The following IQCK variants were observed in gnomAD, a reference collection of about 807,000 sequenced individuals.
IQCK encodes IQ domain-containing protein K.
Under a neutral mutation model 28.1 loss-of-function variants are expected in IQCK, and 29 were observed. That is an observed-to-expected ratio of 1.03 (90% CI 0.77 to 1.41). The LOEUF (loss-of-function observed/expected upper bound fraction) is 1.41, where lower values mean the gene tolerates loss of function less well. IQCK is among the 40% of genes most tolerant of loss of function. The pLI, the probability that IQCK is intolerant of heterozygous loss-of-function variation, is 0.00. For missense variants in IQCK, 359 were observed against 314.7 expected (o/e 1.14, Z -1.07); for synonymous variants, 113 against 115.1 (o/e 0.98, Z 0.12).
chr16:19,758,794 G>A (rs2055090184), intron 4 of IQCK, among the ~76,000 whole-genome samples: 1 of 152,124 alleles, frequency 6.6e-6, no homozygotes, highest in African/African-American at 2.4e-5. Flanking sequence ...TGAGGTAAAA[G>A]ATTGCAGATA....
chr16:19,807,341 T>G (rs573935684), intron 7 of IQCK, among the ~76,000 whole-genome samples: 1 of 152,230 alleles, frequency 6.6e-6, no homozygotes, highest in African/African-American at 2.4e-5. Context: ...ATTGTGTTGT[T>G]TCTTAAACCT....
intron 4 of IQCK, among the ~76,000 whole-genome samples, chr16:19,744,995 C>G (rs1175918516): frequency 6.6e-6 from 1 of 152,002 alleles, no homozygotes; most frequent in Non-Finnish European, 1.5e-5. Context: ...AATTCGTTGG[C>G]CAATAAGTGA....
At chr16:19,812,288 T>C (rs1270022624) in intron 7 of IQCK, among the ~76,000 whole-genome samples, 3 of 152,076 alleles carry the variant, frequency 2.0e-5, no homozygotes, top group Non-Finnish European at 4.4e-5. Context: ...TGCCTGGCCA[T>C]GGAAATAGCA....
At chr16:19,807,241 A>G (rs985285688) in intron 7 of IQCK, among the ~76,000 whole-genome samples, 2 of 152,204 alleles carry the variant, frequency 1.3e-5, no homozygotes, top group African/African-American at 2.4e-5. Flanking sequence ...CCTTCAGATG[A>G]TTGCAGGCCC....
intron 6 of IQCK, among the ~76,000 whole-genome samples, chr16:19,771,891 G>A (rs969627693): frequency 3.9e-5 from 6 of 152,194 alleles, no homozygotes; most frequent in East Asian, 1.9e-4. Flanking sequence ...GAGGGGAGGG[G>A]GTTGCAACAG....
chr16:19,832,067 G>A (rs2056239041), downstream of IQCK, among the ~76,000 whole-genome samples: 2 of 151,934 alleles, frequency 1.3e-5, no homozygotes. Flanking sequence ...AAAAAATATC[G>A]TGTCTCGATT....
intron 6 of IQCK, among the ~76,000 whole-genome samples, chr16:19,778,781 G>A (rs1256447458): frequency 6.6e-6 from 1 of 152,180 alleles, no homozygotes; most frequent in East Asian, 1.9e-4. Flanking sequence ...AGTCTTGCGA[G>A]TAGAGAAACA....
At chr16:19,816,993 TGA>T (rs1201452167) in intron 7 of IQCK, among the ~76,000 whole-genome samples, 1 of 152,172 alleles carries the variant, frequency 6.6e-6, no homozygotes, top group Admixed American at 6.5e-5. Flanking sequence ...TTTGTGGAGC[TGA>T]GATTCAGCCT....
At chr16:19,765,492 C>T (rs946599563) in intron 6 of IQCK, among the ~76,000 whole-genome samples, 2 of 151,772 alleles carry the variant, frequency 1.3e-5, no homozygotes, top group Non-Finnish European at 2.9e-5. Flanking sequence ...GAGCCGAGAT[C>T]GCACCACTGT....
chr16:19,734,311 A>G (rs1977935140), intron 3 of IQCK, among the ~76,000 whole-genome samples: 1 of 152,102 alleles, frequency 6.6e-6, no homozygotes. Flanking sequence ...AGCCTGGCCA[A>G]CATGGTGAAA....
Position 19,733,737 on chromosome 16 carries a change from G to A in IQCK, c.286G>A (p.Ala96Thr), listed in dbSNP as rs745667457. The change falls in exon 3 of 8, where the codon GCA becomes ACA. Residue 96 changes from alanine (A) to threonine (T), a missense_variant. Physicochemically the swap from Ala to Thr is moderately conservative, Grantham distance 58. Coordinates refer to ENST00000564186, the Ensembl canonical transcript of IQCK. Reference sequence around the variant, plus strand: ...GGAAATGCTTTTTCATGGCTTCAGTGCAGAGCACTATTTTCCGGTTTCCCA... The same window carrying A: ...GGAAATGCTTTTTCATGGCTTCAGTACAGAGCACTATTTTCCGGTTTCCCA... The A allele has an allele frequency of 6.2e-7, 1 of 1,614,194 alleles. No individual in the cohort carries two copies. The highest frequency in any genetic ancestry group is 1.7e-5 in the Admixed American group (1 of 60,028).
At chr16:19,731,136 A>G (rs935775299) in intron 2 of IQCK, among the ~76,000 whole-genome samples, 1 of 152,192 alleles carries the variant, frequency 6.6e-6, no homozygotes, top group African/African-American at 2.4e-5. Flanking sequence ...ATCTAACACC[A>G]TGTCCATGTG....
intron 6 of IQCK, among the ~76,000 whole-genome samples, chr16:19,782,918 A>G (rs985814666): frequency 6.6e-6 from 1 of 152,194 alleles, no homozygotes; most frequent in African/African-American, 2.4e-5. Context: ...GTGCACATAC[A>G]TTTATATATA....
chr16:19,732,835 T>G (rs911867640), intron 2 of IQCK, among the ~76,000 whole-genome samples: 1 of 152,204 alleles, frequency 6.6e-6, no homozygotes, highest in Non-Finnish European at 1.5e-5. Flanking sequence ...TCAGGCTGTT[T>G]CATTGGTTTA....
At chr16:19,854,741 A>G (rs1454631354) in intron 9 of IQCK, among the ~76,000 whole-genome samples, 2 of 152,176 alleles carry the variant, frequency 1.3e-5, no homozygotes, top group East Asian at 3.9e-4. Context: ...ATGGCAAATG[A>G]TACAACTCGG....
chr16:19,808,029 CTT>C (rs1425633590), intron 7 of IQCK, among the ~76,000 whole-genome samples: 3 of 151,960 alleles, frequency 2.0e-5, no homozygotes, highest in Admixed American at 1.3e-4. Context: ...ATCAAGAAAA[CTT>C]TTGTCTGTGC....
At chr16:19,723,678 G>A (rs1977566180) in intron 1 of IQCK, among the ~76,000 whole-genome samples, 2 of 152,090 alleles carry the variant, frequency 1.3e-5, no homozygotes, top group African/African-American at 2.4e-5. Context: ...TCCTGGCCGG[G>A]CGTGGTAGCT....
intron 9 of IQCK, among the ~76,000 whole-genome samples, chr16:19,836,418 A>G (rs2056298297): frequency 6.6e-6 from 1 of 152,222 alleles, no homozygotes; most frequent in South Asian, 2.1e-4. Context: ...ATGACATGAC[A>G]GAAGCCTCCC....
intron 7 of IQCK, among the ~76,000 whole-genome samples, chr16:19,818,737 T>C (rs560143026): frequency 1.3e-5 from 2 of 152,294 alleles, no homozygotes; most frequent in African/African-American, 4.8e-5. Context: ...TTTCTTTTTA[T>C]TAAGCAAGGT....
Sources: allele counts gnomAD v4.1 joint callset (sites outside exome capture counted in the v4.1 genomes callset), GRCh38; gene constraint gnomAD v4.1.1; transcripts MANE v1.5; gene names NCBI Gene and HGNC (gene_info 2026-07-23, HGNC 2026-07-21).